The following SMARCAD1 variants were observed in gnomAD, a reference collection of about 807,000 sequenced individuals.
The protein encoded by SMARCAD1 is SWI/SNF-related matrix-associated actin-dependent regulator of chromatin subfamily A containing DEAD/H box 1.
SMARCAD1 carries 25 observed loss-of-function variants against 127.1 expected under a neutral mutation model. That is an observed-to-expected ratio of 0.20 (90% CI 0.14 to 0.27). SMARCAD1 has a LOEUF of 0.27. SMARCAD1 is among the 10% of genes least tolerant of loss of function. SMARCAD1 has a pLI of 1.00. For missense variants in SMARCAD1, 807 were observed against 1,206.0 expected (o/e 0.67, Z 4.90); for synonymous variants, 400 against 396.9 (o/e 1.01, Z -0.09).
In SMARCAD1 at chr4:94,252,791, T is replaced by G. The variant is rs2125917831; in HGVS notation, c.1065T>G (p.Val355=). ...KKNVFNPKRV[V]EDSEYDSGSD... ...ATGTTTTTAATCCAAAGAGAGTTGTTGAAGACTCTGAATATGATTCAGGTT... is the reference window on the plus strand; with the variant it reads ...ATGTTTTTAATCCAAAGAGAGTTGTGGAAGACTCTGAATATGATTCAGGTT... The change falls in exon 9 of 24, where the codon GTT becomes GTG. Residue 355 remains valine, a synonymous_variant. Coordinates refer to ENST00000354268, the MANE Select transcript of SMARCAD1 (RefSeq NM_020159.5). 1 of 1,614,056 alleles carries G rather than the reference T, an allele frequency of 6.2e-7. No homozygotes were observed. Among genetic ancestry groups the G allele is most frequent in the Non-Finnish European group, 8.5e-7 (1 of 1,179,982 alleles).
chr4:94,244,615 A>G (rs1229883410), intron 6 of SMARCAD1, among the ~76,000 whole-genome samples: 2 of 152,182 alleles, frequency 1.3e-5, no homozygotes, highest in African/African-American at 4.8e-5. Context: ...CCAAACTTTG[A>G]GCCTTTTAAA....
At chr4:94,248,488 G>A (rs1748798183) in intron 6 of SMARCAD1, 1 of 456,036 alleles carries the variant, frequency 2.2e-6, no homozygotes, top group Admixed American at 2.3e-5. Context: ...CAGTGTGCCT[G>A]GGCTGTAAAG....
intron 21 of SMARCAD1, 68 bp downstream of exon 21, chr4:94,281,658 C>A: frequency 9.8e-7 from 1 of 1,016,894 alleles, no homozygotes; most frequent in Non-Finnish European, 1.5e-6. Flanking sequence ...TTTTAATTGT[C>A]TAACAAACAA....
chr4:94,278,399 G>T, intron 16 of SMARCAD1, 23 bp from the exon 17 acceptor site: 1 of 1,568,730 alleles, frequency 6.4e-7, no homozygotes, highest in South Asian at 1.1e-5. Flanking sequence ...ATTCCTAAAA[G>T]GATATGTTTT....
At chr4:94,262,463 A>ATT (rs1751143200) in intron 9 of SMARCAD1, among the ~76,000 whole-genome samples, 1 of 152,188 alleles carries the variant, frequency 6.6e-6, no homozygotes, top group Admixed American at 6.5e-5. Flanking sequence ...CCTTCTTAAT[A>ATT]GTTTTTTGCT....
Position 94,252,903 on chromosome 4 carries a change from C to T in SMARCAD1, c.1177C>T (p.Leu393Phe). The stretch of plus-strand genomic sequence containing the variant: ...CTATAAAGGTAAAATTCTTCACTTC[C>T]TTCAAGATGCTTCAATTGGTGAACT... Reference protein sequence around the residue: ...DGYKGKILHFLQDASIGELTL... With the variant: ...DGYKGKILHFFQDASIGELTL... Residue 393 changes from leucine to phenylalanine, a missense_variant, in exon 9 of 24, where the codon CTT becomes TTT. This residue lies in a region of SMARCAD1 where 257 missense variants were observed against 303.4 expected (regional missense o/e 0.85). Coordinates refer to ENST00000354268, the MANE Select transcript of SMARCAD1 (RefSeq NM_020159.5). The T allele has an allele frequency of 6.2e-7, 1 of 1,614,066 alleles. No homozygotes were observed. The highest frequency in any genetic ancestry group is 8.5e-7 in the Non-Finnish European group (1 of 1,179,996).
At chr4:94,276,830 T>G (rs1753378070) in intron 15 of SMARCAD1, among the ~76,000 whole-genome samples, 192 bp from the exon 16 acceptor site, 1 of 152,192 alleles carries the variant, frequency 6.6e-6, no homozygotes, top group Admixed American at 6.5e-5. Flanking sequence ...GACCAATGGT[T>G]TTCGTATTCA....
intron 2 of SMARCAD1, among the ~76,000 whole-genome samples, chr4:94,210,444 T>G (rs576101212): frequency 6.6e-6 from 1 of 152,312 alleles, no homozygotes; most frequent in South Asian, 2.1e-4. Context: ...TGGAAAATGG[T>G]GAAAGAAAGT....
intron 3 of SMARCAD1, among the ~76,000 whole-genome samples, chr4:94,230,946 T>A (rs1454989731): frequency 6.6e-6 from 1 of 152,184 alleles, no homozygotes; most frequent in Non-Finnish European, 1.5e-5. Flanking sequence ...TTCAAGGATA[T>A]GTTTGTCAAC....
intron 9 of SMARCAD1, among the ~76,000 whole-genome samples, chr4:94,257,565 G>A (rs567808410): frequency 8.7e-4 from 133 of 152,160 alleles, no homozygotes; most frequent in Non-Finnish European, 1.5e-3. Flanking sequence ...TTCCTTAAGT[G>A]AGAGCCCCTC....
intron 9 of SMARCAD1, among the ~76,000 whole-genome samples, chr4:94,262,912 G>GAAA (rs33970526): frequency 1.2e-5 from 1 of 80,014 alleles, no homozygotes. Context: ...AAAAAAGAAA[G>GAAA]AAAAGAAATG....
At chr4:94,223,844 G>T (rs1579046932) in intron 2 of SMARCAD1, among the ~76,000 whole-genome samples, 1 of 150,462 alleles carries the variant, frequency 6.6e-6, no homozygotes. Context: ...GCCTCCCAAA[G>T]TTCTGGGATT....
At chr4:94,274,863 C>A (rs1560561707) in intron 13 of SMARCAD1, 27 bp from the exon 14 acceptor site, 1 of 1,584,824 alleles carries the variant, frequency 6.3e-7, no homozygotes. Context: ...AATAAATAGT[C>A]ATGTGTTTAT....
At chr4:94,253,334 G>A in intron 9 of SMARCAD1, 1 of 1,329,784 alleles carries the variant, frequency 7.5e-7, no homozygotes, top group Non-Finnish European at 9.8e-7. Context: ...TTGTTTGCTA[G>A]CCTGTTCTGA....
At chr4:94,220,171 T>G (rs909898373) in intron 2 of SMARCAD1, among the ~76,000 whole-genome samples, 1 of 152,258 alleles carries the variant, frequency 6.6e-6, no homozygotes, top group Non-Finnish European at 1.5e-5. Context: ...AATCTAAGTG[T>G]TCAGCACTAT....
At chr4:94,253,070 A>G in intron 9 of SMARCAD1, 63 bp downstream of exon 9, 1 of 1,600,668 alleles carries the variant, frequency 6.2e-7, no homozygotes, top group Non-Finnish European at 8.5e-7. Context: ...AGTACCGGTT[A>G]TAGTCAAGTT....
At chr4:94,269,117 T>C (rs142126477) in intron 10 of SMARCAD1, among the ~76,000 whole-genome samples, 1 of 152,364 alleles carries the variant, frequency 6.6e-6, no homozygotes, top group African/African-American at 2.4e-5. Flanking sequence ...CTTTTAGTTG[T>C]ATTAAATGGG....
In SMARCAD1 at chr4:94,252,990, A is replaced by G; in HGVS notation, c.1264A>G (p.Asn422Asp). Residue 422 changes from asparagine to aspartate, a missense_variant, in exon 9 of 24, where the codon AAT (asparagine) becomes GAT (aspartate). Coordinates refer to ENST00000354268, the MANE Select transcript of SMARCAD1 (RefSeq NM_020159.5). The stretch of plus-strand genomic sequence containing the variant: ...GAAGATAACAGAACTCCGGCCCTTT[A>G]ATAGTTGGGAGGCTCTGGTAAGGCT... ...AQKITELRPFNSWEALFTKMS... is the reference protein window; with the variant it reads ...AQKITELRPFDSWEALFTKMS... The G allele has an allele frequency of 6.2e-7, 1 of 1,613,046 alleles. No homozygotes were observed. The highest frequency in any genetic ancestry group is 8.5e-7 in the Non-Finnish European group (1 of 1,179,998).
chr4:94,248,468 C>T, intron 6 of SMARCAD1: 1 of 456,128 alleles, frequency 2.2e-6, no homozygotes, highest in Non-Finnish European at 4.4e-6. Flanking sequence ...AAATACTGTT[C>T]TTGGAATTTC....
Sources: gnomAD v4.1 joint callset for allele counts (sites outside exome capture counted in the v4.1 genomes callset) on GRCh38, gnomAD v4.1.1 for gene constraint, gnomAD v4.1.1 regional missense constraint, MANE v1.5 for transcripts, NCBI Gene and HGNC (gene_info 2026-07-23, HGNC 2026-07-21) for gene names.